Variants in EPM2A observed in about 807,000 individuals in gnomAD.
The protein encoded by EPM2A is laforin.
Under a neutral mutation model 26.5 loss-of-function variants are expected in EPM2A, and 21 were observed. The ratio of observed to expected loss-of-function variants is 0.79; its 90% confidence interval spans 0.56 to 1.14. EPM2A has a LOEUF of 1.14. Among genes scored for constraint, EPM2A ranks in the 50% most tolerant of loss-of-function variants. The probability of loss-of-function intolerance (pLI) is 0.00; values close to 1 mark genes in which losing one functional copy is unlikely to be tolerated. For missense variants in EPM2A, 458 were observed against 440.8 expected, an observed-to-expected ratio of 1.04 and a Z score of -0.35; for synonymous variants, 217 against 177.6, an observed-to-expected ratio of 1.22 and a Z score of -1.76.
chr6:145,457,208 C>A (rs929521356), intron 4 of EPM2A, among the ~76,000 whole-genome samples: 2 of 152,020 alleles, frequency 1.3e-5, no homozygotes, highest in African/African-American at 4.8e-5. Flanking sequence ...GATAATTCTG[C>A]CTTTGGCTGG....
At chr6:145,416,133 A>T (rs1420146508) in intron 4 of EPM2A, among the ~76,000 whole-genome samples, 10 of 152,182 alleles carry the variant, frequency 6.6e-5, no homozygotes, top group Admixed American at 6.5e-4. Flanking sequence ...AAAAAGAGAA[A>T]TATAAAACTC....
At chr6:145,416,117 G>C (rs896321062) in intron 4 of EPM2A, among the ~76,000 whole-genome samples, 5 of 152,084 alleles carry the variant, frequency 3.3e-5, no homozygotes, top group Admixed American at 1.3e-4. Context: ...GGGTACACTT[G>C]TCAGCAAAAA....
At chr6:145,579,564 T>C (rs1036854784) in intron 2 of EPM2A, among the ~76,000 whole-genome samples, 1 of 152,226 alleles carries the variant, frequency 6.6e-6, no homozygotes, top group Non-Finnish European at 1.5e-5. Flanking sequence ...AATTTATCCG[T>C]ATTTTAACTT....
intron 2 of EPM2A, among the ~76,000 whole-genome samples, chr6:145,515,691 G>A (rs564232954): frequency 3.7e-4 from 56 of 152,156 alleles, no homozygotes; most frequent in Non-Finnish European, 5.0e-4. Flanking sequence ...CCTTGGGGGT[G>A]AGAATTTCAA....
intron 1 of EPM2A, among the ~76,000 whole-genome samples, chr6:145,715,024 C>T (rs1775538196): frequency 6.6e-6 from 1 of 152,150 alleles, no homozygotes; most frequent in Non-Finnish European, 1.5e-5. Flanking sequence ...GAAAAAGGAG[C>T]ACCTCCTGCC....
chr6:145,681,995 C>G (rs890238646), intron 2 of EPM2A, among the ~76,000 whole-genome samples: 2 of 152,260 alleles, frequency 1.3e-5, no homozygotes, highest in East Asian at 1.9e-4. Context: ...TAATATTGCT[C>G]TCTCACACCT....
chr6:145,654,914 CT>C (rs1158355185), intron 2 of EPM2A, among the ~76,000 whole-genome samples: 9 of 151,348 alleles, frequency 5.9e-5, no homozygotes, highest in Non-Finnish European at 1.0e-4. Context: ...CAAATTTGGA[CT>C]TTTTTTTTAC....
At chr6:145,635,616 A>G in intron 2 of EPM2A, 130 bp from the exon 3 acceptor site, 1 of 885,048 alleles carries the variant, frequency 1.1e-6, no homozygotes, top group Non-Finnish European at 1.8e-6. Context: ...TAGATATTTT[A>G]GAATATGAAC....
At chr6:145,450,535 T>A (rs1779184024) in intron 4 of EPM2A, among the ~76,000 whole-genome samples, 1 of 152,104 alleles carries the variant, frequency 6.6e-6, no homozygotes, top group Non-Finnish European at 1.5e-5. Context: ...TTACCTTTCA[T>A]CCTTTTGGGT....
intron 4 of EPM2A, among the ~76,000 whole-genome samples, chr6:145,480,546 C>T (rs1464804825): frequency 6.6e-6 from 1 of 152,060 alleles, no homozygotes; most frequent in Non-Finnish European, 1.5e-5. Context: ...TATTTTCTCC[C>T]ATTCTGTAGG....
intron 2 of EPM2A, among the ~76,000 whole-genome samples, chr6:145,549,842 A>T (rs2060425443): frequency 1.3e-5 from 2 of 152,118 alleles, no homozygotes; most frequent in Admixed American, 6.6e-5. Context: ...TGTGGCCATG[A>T]AAGCCATGTG....
chr6:145,524,779 A>C (rs1780248441), intron 2 of EPM2A, among the ~76,000 whole-genome samples: 1 of 152,020 alleles, frequency 6.6e-6, no homozygotes, highest in South Asian at 2.1e-4. Flanking sequence ...TTAATTAGGC[A>C]CTACTTGCTG....
intron 2 of EPM2A, among the ~76,000 whole-genome samples, chr6:145,666,389 A>G (rs1189312788): frequency 9.7e-6 from 1 of 102,838 alleles, no homozygotes; most frequent in African/African-American, 5.1e-5. Flanking sequence ...AGAGAGCCAA[A>G]TCATGAGTGA....
chr6:145,412,088 A>T (rs535815275), intron 4 of EPM2A, among the ~76,000 whole-genome samples: 3 of 152,038 alleles, frequency 2.0e-5, no homozygotes, highest in African/African-American at 4.8e-5. Context: ...GCGGTGGCAG[A>T]CACCTGTAAT....
chr6:145,517,306 T>TA lies in EPM2A; in HGVS notation c.341-14732dup, dbSNP rs1780141652. Reference sequence around the variant, plus strand: ...CTTATAATTCACAGTACTGCTCACATAAAAAATGTTAAGAGGGTAGATCTC... The same window carrying TA: ...CTTATAATTCACAGTACTGCTCACATAAAAAAATGTTAAGAGGGTAGATCTC... On this transcript the variant is annotated intron_variant, in intron 2 of 3. Transcript: ENST00000450221. 2.0e-5 allele frequency among the ~76,000 whole-genome samples: 3 copies of TA among 152,258 alleles called. No individual in the cohort carries two copies. In the South Asian group the frequency reaches 6.2e-4, roughly 32 times the overall value.
At chr6:145,402,784 T>C (rs1231622139) in intron 4 of EPM2A, among the ~76,000 whole-genome samples, 2 of 152,152 alleles carry the variant, frequency 1.3e-5, no homozygotes, top group East Asian at 3.8e-4. Flanking sequence ...AAGTTTGAAC[T>C]TAGGTCAAAA....
intron 4 of EPM2A, among the ~76,000 whole-genome samples, chr6:145,403,604 T>C (rs1260338853): frequency 6.6e-6 from 1 of 152,284 alleles, no homozygotes; most frequent in African/African-American, 2.4e-5. Context: ...ATCTCATTCT[T>C]TTTATGACTG....
chr6:145,699,493 A>G lies in EPM2A; in HGVS notation c.302-13197T>C, dbSNP rs142605966. ...CTATGTTGGAGAAGGTAATATCAGT[A>G]TGGGCTAGAATTACTGAGAAAGGAT... is the stretch of plus-strand genomic sequence containing the variant. On this transcript the variant is annotated intron_variant, in intron 1 of 3. Coordinates refer to ENST00000367519, the MANE Select transcript of EPM2A (RefSeq NM_005670.4). 4.3e-3 allele frequency among the ~76,000 whole-genome samples: 659 copies of G among 152,326 alleles called. 5 individuals are homozygous for G. The highest frequency in any genetic ancestry group is 0.014 in the African/African-American group (571 of 41,580).
intron 4 of EPM2A, among the ~76,000 whole-genome samples, chr6:145,421,633 C>T (rs925705813): frequency 5.3e-5 from 8 of 150,630 alleles, no homozygotes; most frequent in Non-Finnish European, 1.0e-4. Flanking sequence ...AAGAGTAAAC[C>T]GAAAACTTAA....
Sources: allele counts gnomAD v4.1 joint callset (sites outside exome capture counted in the v4.1 genomes callset), GRCh38; gene constraint gnomAD v4.1.1; transcripts MANE v1.5; gene names NCBI Gene and HGNC (gene_info 2026-07-23, HGNC 2026-07-21).